The following AGBL4 variants were observed in gnomAD, a reference collection of about 807,000 sequenced individuals.
AGBL4 encodes the protein cytosolic carboxypeptidase 6.
In AGBL4, 58 loss-of-function variants were observed where a neutral mutation model predicts 66.4. The observed-to-expected ratio is 0.87, with a 90% CI of 0.71 to 1.09. The LOEUF (loss-of-function observed/expected upper bound fraction) is 1.09. Ranked by LOEUF, AGBL4 falls within the 50% of genes least tolerant of loss-of-function variation. AGBL4 has a pLI of 0.00. For missense variants in AGBL4, 579 were observed against 631.0 expected (o/e 0.92, Z 0.88); for synonymous variants, 234 against 222.9 (o/e 1.05, Z -0.44).
Position 48,539,757 on chromosome 1 carries a change from A to C in AGBL4, c.1268-19T>G, listed in dbSNP as rs1305295294. On this transcript the variant is annotated intron_variant, in intron 11 of 13. Coordinates refer to ENST00000371839, the MANE Select transcript of AGBL4 (RefSeq NM_032785.4). ...TTCATATCTGCAGGTGTGTGCATTA[A>C]GGAGCAACTTCGAAAACAGATTGAG... 6.8e-7 allele frequency: 1 copy of C among 1,476,388 alleles called. No individual in the cohort carries two copies. The highest frequency in any genetic ancestry group is 9.1e-7 in the Non-Finnish European group (1 of 1,101,200). The allele number at this position is 1,476,388 out of a possible 1,614,324, so 91.5% of individuals were successfully genotyped here.
chr1:49,050,850 A>C (rs563286990), intron 4 of AGBL4, among the ~76,000 whole-genome samples: 196 of 152,212 alleles, frequency 1.3e-3, no homozygotes, highest in African/African-American at 4.5e-3. Context: ...GGCCTTAAAG[A>C]GGAGCTCAAC....
At chr1:49,845,214 C>A in intron 2 of AGBL4, 2 of 1,490,674 alleles carry the variant, frequency 1.3e-6, no homozygotes, top group Non-Finnish European at 1.9e-6. Context: ...TTACCAAACA[C>A]CAGAGAATCC....
chr1:49,859,819 C>T (rs936932078), intron 1 of AGBL4, among the ~76,000 whole-genome samples: 6 of 151,794 alleles, frequency 4.0e-5, no homozygotes, highest in Admixed American at 3.9e-4. Context: ...TCATACACAA[C>T]AGAATTGTCT....
intron 3 of AGBL4, among the ~76,000 whole-genome samples, chr1:49,600,494 T>C (rs927784694): frequency 2.6e-5 from 4 of 152,256 alleles, no homozygotes; most frequent in African/African-American, 4.8e-5. Context: ...ATTTTGAGCC[T>C]ATGTGTGTCT....
chr1:49,041,603 C>T (rs944441107), intron 5 of AGBL4, among the ~76,000 whole-genome samples: 10 of 152,022 alleles, frequency 6.6e-5, no homozygotes, highest in South Asian at 6.2e-4. Context: ...GTGGTCTTAA[C>T]GAAGAAACTT....
chr1:49,452,559 T>G (rs780837760), intron 3 of AGBL4, among the ~76,000 whole-genome samples: 9 of 151,848 alleles, frequency 5.9e-5, no homozygotes, highest in Non-Finnish European at 1.2e-4. Context: ...TTTACCATCT[T>G]CTATATATTT....
chr1:49,507,555 T>G (rs751376571), intron 3 of AGBL4, among the ~76,000 whole-genome samples: 1 of 151,986 alleles, frequency 6.6e-6, no homozygotes, highest in African/African-American at 2.4e-5. Flanking sequence ...CCTTCCCCAG[T>G]CATCAAGACT....
chr1:49,542,591 G>A (rs1010265007), intron 3 of AGBL4, among the ~76,000 whole-genome samples: 4 of 152,042 alleles, frequency 2.6e-5, no homozygotes, highest in Non-Finnish European at 4.4e-5. Context: ...TAAAGCTAAT[G>A]TTACTTACTT....
intron 3 of AGBL4, among the ~76,000 whole-genome samples, chr1:49,410,206 A>G (rs1017461869): frequency 6.6e-6 from 1 of 152,186 alleles, no homozygotes; most frequent in Non-Finnish European, 1.5e-5. Context: ...GCAGAGCTCC[A>G]GGATATGGCC....
chr1:49,703,854 C>T (rs559262992), intron 2 of AGBL4, among the ~76,000 whole-genome samples: 5 of 152,042 alleles, frequency 3.3e-5, no homozygotes, highest in Admixed American at 6.6e-5. Context: ...AACATAACTA[C>T]TTGAGCCAAT....
intron 4 of AGBL4, among the ~76,000 whole-genome samples, chr1:49,178,926 C>G (rs1569954934): frequency 6.6e-6 from 1 of 152,184 alleles, no homozygotes; most frequent in East Asian, 1.9e-4. Context: ...CTGGGTACAT[C>G]TTGGTTAGAG....
At chr1:49,497,145 T>C (rs1295187756) in intron 3 of AGBL4, among the ~76,000 whole-genome samples, 6 of 152,062 alleles carry the variant, frequency 3.9e-5, no homozygotes, top group African/African-American at 1.4e-4. Context: ...ACATTTTTTA[T>C]ATGCCTGTTG....
At chr1:48,872,976 T>G (rs1648835297) in intron 5 of AGBL4, among the ~76,000 whole-genome samples, 1 of 152,190 alleles carries the variant, frequency 6.6e-6, no homozygotes, top group Non-Finnish European at 1.5e-5. Flanking sequence ...CTGTGTCACC[T>G]CAGGCTGAGC....
chr1:49,495,083 G>T (rs1647419530), intron 3 of AGBL4, among the ~76,000 whole-genome samples: 1 of 151,998 alleles, frequency 6.6e-6, no homozygotes. Flanking sequence ...ATTCTCAGAA[G>T]CCAATTACAT....
intron 3 of AGBL4, among the ~76,000 whole-genome samples, chr1:49,552,205 G>C (rs1056264826): frequency 2.0e-5 from 3 of 152,140 alleles, no homozygotes; most frequent in Non-Finnish European, 4.4e-5. Context: ...AGCCAGGCTT[G>C]AGAACTTACC....
chr1:49,540,288 A>G (rs1308794701), intron 3 of AGBL4, among the ~76,000 whole-genome samples: 1 of 152,168 alleles, frequency 6.6e-6, no homozygotes, highest in East Asian at 1.9e-4. Context: ...ATGACTTTGT[A>G]TATTACTTCC....
chr1:49,358,082 A>G (rs1283583996), intron 3 of AGBL4, among the ~76,000 whole-genome samples: 1 of 152,154 alleles, frequency 6.6e-6, no homozygotes, highest in Admixed American at 6.5e-5. Context: ...CTAACCCTTT[A>G]CTATAATTCT....
At chr1:49,647,854 C>CAAA (rs773155990) in intron 3 of AGBL4, among the ~76,000 whole-genome samples, 6 of 98,952 alleles carry the variant, frequency 6.1e-5, no homozygotes, top group Non-Finnish European at 6.4e-5. Flanking sequence ...TGGACTGACC[C>CAAA]AAAAAAAAAA....
At chr1:49,298,753 T>C (rs1047913232) in intron 3 of AGBL4, among the ~76,000 whole-genome samples, 6 of 152,198 alleles carry the variant, frequency 3.9e-5, no homozygotes, top group African/African-American at 1.4e-4. Context: ...TCACAAATTT[T>C]CTGACATGGG....
Sources: gnomAD v4.1 joint callset for allele counts (sites outside exome capture counted in the v4.1 genomes callset) on GRCh38, gnomAD v4.1.1 for gene constraint, MANE v1.5 for transcripts, NCBI Gene and HGNC (gene_info 2026-07-23, HGNC 2026-07-21) for gene names.